FAAH2: variants seen among roughly 807,000 people sequenced by gnomAD.
The protein encoded by FAAH2 is fatty acid amide hydrolase 2.
In FAAH2, 60 loss-of-function variants were observed where a neutral mutation model predicts 36.9. That is an observed-to-expected ratio of 1.63 (90% CI 1.32 to 2.02). The LOEUF is 2.02. FAAH2 is among the 30% of genes most tolerant of loss of function. FAAH2 has a pLI of 0.00. For synonymous variants in FAAH2, 214 were observed against 143.8 expected (o/e 1.49, Z -3.49); for missense variants, 689 against 397.5 (o/e 1.73, Z -6.23).
At chrX:57,287,064 G>A (rs374489529) in intron 1 of FAAH2, 47 bp downstream of exon 1, 29 of 1,090,430 alleles carry the variant, frequency 2.7e-5, no homozygotes, top group Non-Finnish European at 3.4e-5. Context: ...TCTTTTAGCA[G>A]GATCCAGGAA....
chrX:57,151,022 C>T, the FAAH2 span, among the ~76,000 whole-genome samples: 1 of 110,915 alleles, frequency 9.0e-6, no homozygotes, highest in Non-Finnish European at 1.9e-5. Flanking sequence ...ACTTATGAAA[C>T]TTAGTTTGGC....
intron 2 of FAAH2, among the ~76,000 whole-genome samples, chrX:57,303,092 T>C (rs1472414939): frequency 9.0e-6 from 1 of 111,449 alleles, no homozygotes; most frequent in African/African-American, 3.3e-5. Context: ...CTTAGGAAAG[T>C]GTACATACTT....
At chrX:57,364,278 C>T (rs1030423685) in intron 5 of FAAH2, among the ~76,000 whole-genome samples, 20 of 108,911 alleles carry the variant, frequency 1.8e-4, no homozygotes, top group Middle Eastern at 4.7e-3. Flanking sequence ...CTGGTTCAAT[C>T]TTGGGAGGTT....
chrX:57,328,022 G>A (rs946353150), intron 3 of FAAH2, among the ~76,000 whole-genome samples: 1 of 111,648 alleles, frequency 9.0e-6, no homozygotes, highest in African/African-American at 3.3e-5. Context: ...TTTTTGGTGT[G>A]GATGTCCTTT....
intron 7 of FAAH2, among the ~76,000 whole-genome samples, chrX:57,405,508 G>A (rs1235409365): frequency 7.4e-5 from 8 of 108,507 alleles, no homozygotes; most frequent in African/African-American, 2.4e-4. Context: ...CAGTAGTGTG[G>A]CAGACACCCT....
intron 4 of FAAH2, among the ~76,000 whole-genome samples, chrX:57,339,632 C>A (rs2053638781): frequency 8.9e-6 from 1 of 111,866 alleles, no homozygotes; most frequent in African/African-American, 3.3e-5. Context: ...ATTAATGCAG[C>A]CAACAAACAT....
chrX:57,310,645 A>G lies in FAAH2; in HGVS notation c.328A>G (p.Lys110Glu). The change falls in exon 3 of 11, where the codon AAG (lysine) becomes GAG (glutamate). Residue 110 changes from lysine (K) to glutamate (E), a missense_variant. Physicochemically the swap from Lys to Glu is moderately conservative, Grantham distance 56. Transcript: ENST00000374900. ...TGCTGTAGATCAAAAGCTTGCAGAG[A>G]AGCAGGAAGATGAAGCCACCCTGGA... The part of the protein sequence containing the change: ...AHAVDQKLAE[K>E]QEDEATLENK... 1 of 1,209,435 alleles carries G rather than the reference A, an allele frequency of 8.3e-7. No homozygotes were observed. The highest frequency in any genetic ancestry group is 1.1e-6 in the Non-Finnish European group (1 of 894,268).
In FAAH2 at chrX:57,319,642, A is replaced by C. The variant is rs761190325; in HGVS notation, c.412+8913A>C. ...TGCTATCCCCATTGAACTGCAATTGACTTTTTTCACAGAATTGGGAAAAAC... is the reference window on the plus strand; with the variant it reads ...TGCTATCCCCATTGAACTGCAATTGCCTTTTTTCACAGAATTGGGAAAAAC... On this transcript the variant is annotated intron_variant, in intron 3 of 10. Transcript: ENST00000374900. Among the ~76,000 whole-genome samples, 10 of 112,225 alleles carry C rather than the reference A, an allele frequency of 8.9e-5. No homozygotes were observed. In the South Asian group the frequency reaches 3.7e-3, roughly 41 times the overall value.
At chrX:57,245,421 T>C in the FAAH2 span, among the ~76,000 whole-genome samples, 1 of 111,899 alleles carries the variant, frequency 8.9e-6, no homozygotes, top group Non-Finnish European at 1.9e-5. Flanking sequence ...ATCAACAGAA[T>C]ATACATTCTT....
At chrX:57,202,661 G>T in the FAAH2 span, among the ~76,000 whole-genome samples, 1 of 111,524 alleles carries the variant, frequency 9.0e-6, no homozygotes, top group Non-Finnish European at 1.9e-5. Flanking sequence ...TACACTTAAG[G>T]CCCACAGGCT....
intron 5 of FAAH2, among the ~76,000 whole-genome samples, chrX:57,361,021 G>A (rs1323338832): frequency 3.6e-5 from 4 of 111,428 alleles, no homozygotes; most frequent in African/African-American, 1.3e-4. Flanking sequence ...CCTTTTTATG[G>A]TTGCATAGTA....
chrX:57,271,614 C>A, the FAAH2 span, among the ~76,000 whole-genome samples: 1 of 111,895 alleles, frequency 8.9e-6, no homozygotes, highest in Non-Finnish European at 1.9e-5. Flanking sequence ...TGGTGATACC[C>A]AGGGAAACAG....
chrX:57,459,635 C>A (rs755079640), intron 10 of FAAH2, among the ~76,000 whole-genome samples: 1 of 112,317 alleles, frequency 8.9e-6, no homozygotes, highest in African/African-American at 3.2e-5. Flanking sequence ...TGGGATTAAG[C>A]TTCCAGAGGA....
the FAAH2 span, among the ~76,000 whole-genome samples, chrX:57,131,384 C>T: frequency 9.0e-6 from 1 of 111,631 alleles, no homozygotes; most frequent in Admixed American, 9.5e-5. Context: ...CGCGCCCGGC[C>T]GGGTCTATTT....
At chrX:57,441,030 C>G (rs1361728166) in intron 8 of FAAH2, among the ~76,000 whole-genome samples, 2 of 111,636 alleles carry the variant, frequency 1.8e-5, no homozygotes, top group African/African-American at 6.5e-5. Context: ...ATTTTTGCAT[C>G]AGCATTCATT....
At chrX:57,347,447 C>A (rs1450297178) in intron 5 of FAAH2, among the ~76,000 whole-genome samples, 1 of 110,544 alleles carries the variant, frequency 9.0e-6, no homozygotes, top group East Asian at 2.8e-4. Context: ...GCTGTTTCAT[C>A]TCTCAGTTCT....
intron 7 of FAAH2, chrX:57,393,611 A>G (rs1419238515): frequency 1.1e-6 from 1 of 887,587 alleles, no homozygotes. Context: ...CATAAGCACT[A>G]TCAATGCACC....
chrX:57,172,519 G>A, the FAAH2 span, among the ~76,000 whole-genome samples: 1 of 112,076 alleles, frequency 8.9e-6, no homozygotes, highest in South Asian at 3.7e-4. Context: ...GGTGGCTTGT[G>A]TTAACGAACT....
chrX:57,354,452 C>T (rs772994571), intron 5 of FAAH2, among the ~76,000 whole-genome samples: 1 of 110,209 alleles, frequency 9.1e-6, no homozygotes, highest in African/African-American at 3.3e-5. Flanking sequence ...GAGTGGAACA[C>T]GATTAGAAAT....
Sources: gnomAD v4.1 joint callset for allele counts (sites outside exome capture counted in the v4.1 genomes callset) on GRCh38, gnomAD v4.1.1 for gene constraint, MANE v1.5 for transcripts, NCBI Gene and HGNC (gene_info 2026-07-23, HGNC 2026-07-21) for gene names.